PRR5L: variants seen among roughly 807,000 people sequenced by gnomAD.
PRR5L encodes proline-rich protein 5-like.
Under a neutral mutation model 36.4 loss-of-function variants are expected in PRR5L, and 21 were observed. The ratio of observed to expected loss-of-function variants is 0.58; its 90% CI spans 0.41 to 0.83. PRR5L has a LOEUF of 0.83. PRR5L is among the 40% of genes least tolerant of loss of function. PRR5L has a pLI of 0.00. For synonymous variants in PRR5L, 188 were observed against 197.0 expected (o/e 0.95, Z 0.38); for missense variants, 381 against 473.3 (o/e 0.80, Z 1.81).
intron 1 of PRR5L, among the ~76,000 whole-genome samples, chr11:36,382,419 C>A (rs1244088184): frequency 7.2e-5 from 11 of 152,200 alleles, no homozygotes; most frequent in Admixed American, 7.2e-4. Context: ...TTCTAAAATT[C>A]CTTGATGGCC....
intron 6 of PRR5L, among the ~76,000 whole-genome samples, chr11:36,440,629 G>T (rs1335079447): frequency 6.6e-6 from 1 of 152,198 alleles, no homozygotes; most frequent in African/African-American, 2.4e-5. Flanking sequence ...AGCATGAGCT[G>T]CAGAGTTAGC....
intron 5 of PRR5L, among the ~76,000 whole-genome samples, chr11:36,433,236 G>A (rs1208880968): frequency 6.6e-6 from 1 of 151,946 alleles, no homozygotes; most frequent in Non-Finnish European, 1.5e-5. Context: ...GAAACTCCAC[G>A]TCCATTGAAC....
intron 3 of PRR5L, among the ~76,000 whole-genome samples, chr11:36,408,246 C>A (rs1564939528): frequency 6.6e-6 from 1 of 151,554 alleles, no homozygotes; most frequent in Non-Finnish European, 1.5e-5. Context: ...TGCCACACTG[C>A]ACTCCAGCCT....
intron 3 of PRR5L, among the ~76,000 whole-genome samples, chr11:36,403,868 T>C (rs189014371): frequency 1.3e-5 from 2 of 152,310 alleles, no homozygotes; most frequent in East Asian, 1.9e-4. Flanking sequence ...TTTATATTCA[T>C]TGGGAAGAGA....
chr11:36,385,553 C>G (rs919258070), intron 1 of PRR5L, among the ~76,000 whole-genome samples: 1 of 152,186 alleles, frequency 6.6e-6, no homozygotes, highest in Non-Finnish European at 1.5e-5. Flanking sequence ...TCCTGTTTGC[C>G]CTAATATTTA....
chr11:36,316,358 C>G (rs1175496698), intron 1 of PRR5L, among the ~76,000 whole-genome samples: 1 of 152,122 alleles, frequency 6.6e-6, no homozygotes, highest in Non-Finnish European at 1.5e-5. Context: ...TTTATCAAGA[C>G]AGGGGAATTG....
intron 1 of PRR5L, chr11:36,376,715 G>C: frequency 4.1e-6 from 4 of 987,004 alleles, no homozygotes; most frequent in Non-Finnish European, 4.8e-6. Flanking sequence ...GTGAGTGGTG[G>C]GTGGGGGGCG....
At chr11:36,408,037 G>A (rs1293015865) in intron 3 of PRR5L, among the ~76,000 whole-genome samples, 1 of 152,160 alleles carries the variant, frequency 6.6e-6, no homozygotes, top group African/African-American at 2.4e-5. Flanking sequence ...ACTTTGAGAG[G>A]CCAAGGCAGG....
intron 1 of PRR5L, among the ~76,000 whole-genome samples, chr11:36,302,886 G>A (rs1191324292): frequency 6.6e-6 from 1 of 152,222 alleles, no homozygotes. Flanking sequence ...ATCTATATGA[G>A]TTCGCCTAAT....
rs547435289 is a variant in PRR5L, at chr11:36,390,605, T to G, written c.-125-10392T>G. ...GGTAATAGCACCTGCCTTCTGGTGGTTGTAAGATCAGACACAGGTGCTTCC... is the reference window on the plus strand; with the variant it reads ...GGTAATAGCACCTGCCTTCTGGTGGGTGTAAGATCAGACACAGGTGCTTCC... On this transcript the variant is annotated intron_variant, in intron 1 of 8. Transcript: ENST00000530639. 1.3e-4 allele frequency among the ~76,000 whole-genome samples: 20 copies of G among 152,320 alleles called. No individual in the cohort carries two copies. In the South Asian group the frequency reaches 3.7e-3, roughly 28 times the overall value.
At chr11:36,358,262 A>G (rs1432751747) in intron 1 of PRR5L, among the ~76,000 whole-genome samples, 1 of 152,072 alleles carries the variant, frequency 6.6e-6, no homozygotes, top group Non-Finnish European at 1.5e-5. Context: ...TCTCTTGTGA[A>G]AGGAAGAGTT....
intron 1 of PRR5L, among the ~76,000 whole-genome samples, chr11:36,390,223 G>A (rs1276125059): frequency 6.6e-6 from 1 of 152,196 alleles, no homozygotes. Context: ...AAGTGAAGGT[G>A]GGCTATAAAG....
intron 1 of PRR5L, among the ~76,000 whole-genome samples, chr11:36,367,426 A>C (rs1437662554): frequency 6.6e-6 from 1 of 152,222 alleles, no homozygotes; most frequent in Non-Finnish European, 1.5e-5. Context: ...CGGCTCTCCT[A>C]AACCTCATTT....
chr11:36,419,352 A>G (rs759581142), intron 4 of PRR5L, 49 bp downstream of exon 4: 1 of 1,539,694 alleles, frequency 6.5e-7, no homozygotes, highest in East Asian at 2.2e-5. Flanking sequence ...ATGTGGGGGC[A>G]TGGACCTAAA....
chr11:36,332,796 C>A (rs1212173415), intron 1 of PRR5L, among the ~76,000 whole-genome samples: 1 of 152,198 alleles, frequency 6.6e-6, no homozygotes, highest in Admixed American at 6.5e-5. Context: ...GATATGCCTG[C>A]TCCCCTTTGC....
intron 1 of PRR5L, among the ~76,000 whole-genome samples, chr11:36,372,895 C>T (rs1461901959): frequency 2.0e-5 from 3 of 152,156 alleles, no homozygotes; most frequent in Non-Finnish European, 4.4e-5. Context: ...GAACATTTAA[C>T]GAGCCCACAG....
intron 1 of PRR5L, among the ~76,000 whole-genome samples, chr11:36,358,426 G>A (rs1169776402): frequency 6.6e-6 from 1 of 152,168 alleles, no homozygotes; most frequent in Non-Finnish European, 1.5e-5. Context: ...CAGCAAAAAA[G>A]ATTACTACTC....
chr11:36,452,700 T>C (rs745607868), intron 8 of PRR5L, among the ~76,000 whole-genome samples: 14 of 152,196 alleles, frequency 9.2e-5, no homozygotes, highest in Non-Finnish European at 1.9e-4. Context: ...GACTGGGGCA[T>C]CCAGGGAGCT....
chr11:36,443,913 T>G (rs1858774541), intron 6 of PRR5L, among the ~76,000 whole-genome samples: 1 of 152,218 alleles, frequency 6.6e-6, no homozygotes, highest in South Asian at 2.1e-4. Flanking sequence ...TGTAAGACAG[T>G]AGGCTCTCTT....
Sources: gnomAD v4.1 joint callset for allele counts (sites outside exome capture counted in the v4.1 genomes callset) on GRCh38, gnomAD v4.1.1 for gene constraint, MANE v1.5 for transcripts, NCBI Gene and HGNC (gene_info 2026-07-23, HGNC 2026-07-21) for gene names.